TTC3: variants seen among roughly 807,000 people sequenced by gnomAD.
TTC3 encodes the protein tetratricopeptide repeat domain 3, also known as E3 ubiquitin-protein ligase TTC3.
A neutral mutation model predicts 249.6 loss-of-function variants in TTC3; 180 were observed. The ratio of observed to expected loss-of-function variants is 0.72; its 90% CI spans 0.64 to 0.82. The LOEUF is 0.82. Ranked by LOEUF, TTC3 falls within the 40% of genes least tolerant of loss-of-function variation. The pLI, the probability that TTC3 is intolerant of heterozygous loss-of-function variation, is 0.00. For missense variants in TTC3, 2,061 were observed against 2,398.4 expected, an observed-to-expected ratio of 0.86 and a Z score of 2.94; for synonymous variants, 717 against 805.0, an observed-to-expected ratio of 0.89 and a Z score of 1.85.
At chr21:37,199,123 T>C (rs530853961) in intron 44 of TTC3, among the ~76,000 whole-genome samples, 1 of 152,114 alleles carries the variant, frequency 6.6e-6, no homozygotes, top group Admixed American at 6.5e-5. Flanking sequence ...CTGGGCCGAG[T>C]CATGCCTTGG....
At chr21:37,095,248 C>G in intron 8 of TTC3, 102 bp from the exon 9 acceptor site, 1 of 703,008 alleles carries the variant, frequency 1.4e-6, no homozygotes, top group Non-Finnish European at 2.4e-6. Flanking sequence ...TATGTTATTT[C>G]TGATATCGAA....
chr21:37,115,174 T>TATTATA (rs1555875656), intron 11 of TTC3, among the ~76,000 whole-genome samples: 14 of 144,500 alleles, frequency 9.7e-5, no homozygotes, highest in African/African-American at 3.6e-4. Flanking sequence ...AAACTTAAAG[T>TATTATA]ATAATAATAA....
intron 11 of TTC3, among the ~76,000 whole-genome samples, chr21:37,115,388 G>T (rs2076056214): frequency 6.6e-6 from 1 of 152,008 alleles, no homozygotes; most frequent in Non-Finnish European, 1.5e-5. Flanking sequence ...GTCTGGTGTT[G>T]GTGGGTATGT....
At chr21:37,192,495 G>GTGTGTGTGTGTGTA (rs1459184008) in intron 41 of TTC3, among the ~76,000 whole-genome samples, 2 of 150,384 alleles carry the variant, frequency 1.3e-5, no homozygotes, top group African/African-American at 2.5e-5. Flanking sequence ...CTATCTTTGT[G>GTGTGTGTGTGTGTA]TGTGTGTGTG....
intron 15 of TTC3, among the ~76,000 whole-genome samples, chr21:37,127,161 CTCT>C (rs1884735853): frequency 6.6e-6 from 1 of 152,108 alleles, no homozygotes; most frequent in Non-Finnish European, 1.5e-5. Flanking sequence ...AGCCTGGGGT[CTCT>C]TCTTATAAGG....
At chr21:37,120,140 TG>T (rs2076467635) in intron 11 of TTC3, among the ~76,000 whole-genome samples, 2 of 152,266 alleles carry the variant, frequency 1.3e-5, no homozygotes, top group South Asian at 4.1e-4. Flanking sequence ...CTGTGAGAAG[TG>T]GGAACATGGT....
chr21:37,162,626 T>C (rs2080865162), intron 31 of TTC3, among the ~76,000 whole-genome samples: 1 of 149,702 alleles, frequency 6.7e-6, no homozygotes, highest in Admixed American at 6.7e-5. Context: ...GGTTTTTTTT[T>C]TCTCATTTCT....
chr21:37,152,512 C>T (rs2079574448), intron 26 of TTC3, among the ~76,000 whole-genome samples: 2 of 151,674 alleles, frequency 1.3e-5, no homozygotes, highest in African/African-American at 2.4e-5. Context: ...TCAGCCTCCC[C>T]AGTAGCTGGA....
chr21:37,142,057 C>G (rs1024228836), intron 20 of TTC3, among the ~76,000 whole-genome samples: 2 of 152,188 alleles, frequency 1.3e-5, no homozygotes, highest in African/African-American at 4.8e-5. Context: ...AACAGCCCTT[C>G]ATGCTAAAAC....
chr21:37,157,820 G>A (rs1275303550), intron 28 of TTC3, among the ~76,000 whole-genome samples: 1 of 152,062 alleles, frequency 6.6e-6, no homozygotes, highest in Admixed American at 6.6e-5. Context: ...GACATGTGTG[G>A]TCCTGTTTTA....
intron 15 of TTC3, among the ~76,000 whole-genome samples, chr21:37,128,338 CT>C (rs1191114164): frequency 6.6e-6 from 1 of 152,208 alleles, no homozygotes; most frequent in East Asian, 1.9e-4. Flanking sequence ...TAAATCTGGG[CT>C]CACAGAGCTG....
At chr21:37,159,926 A>G (rs988673395) in intron 29 of TTC3, among the ~76,000 whole-genome samples, 181 bp downstream of exon 29, 1 of 152,244 alleles carries the variant, frequency 6.6e-6, no homozygotes, top group Admixed American at 6.5e-5. Flanking sequence ...TCCTCTCGGA[A>G]TTGGAGCAAT....
In TTC3 at chr21:37,103,914, G is replaced by C. The variant is rs1426649641; in HGVS notation, c.846-4478G>C. On this transcript the variant is annotated intron_variant, in intron 10 of 45. Transcript: ENST00000355666. The stretch of plus-strand genomic sequence containing the variant: ...CCTTTAAGAGCAATAAGAAAGTAAA[G>C]GATTTTAAACTGAGGAGAGAGAGCA... Among the ~76,000 whole-genome samples, 9 of 152,168 alleles carry C rather than the reference G, an allele frequency of 5.9e-5. No homozygotes were observed. In the East Asian group the frequency reaches 1.7e-3, roughly 29 times the overall value.
intron 34 of TTC3, among the ~76,000 whole-genome samples, chr21:37,170,685 A>G (rs2081691075): frequency 6.6e-6 from 1 of 152,214 alleles, no homozygotes; most frequent in Admixed American, 6.5e-5. Flanking sequence ...ATGTCTAGTT[A>G]AGTAGGAAGA....
rs1463322204 is a variant in TTC3 at position 37,196,038 on chromosome 21, T to C, written c.5579+2T>C. ...AGTGGTATTCCCATGTTACAACAGG[T>C]ATGAACAGAAAATGTCTGTGACTGT... On this transcript the variant is annotated splice_donor_variant, in intron 42 of 45. Transcript: ENST00000355666. LOFTEE classifies it high-confidence loss of function. 1 of 1,613,684 alleles carries C rather than the reference T, an allele frequency of 6.2e-7. No individual in the cohort carries two copies. Among genetic ancestry groups the C allele is most frequent in the Non-Finnish European group, 8.5e-7 (1 of 1,179,802 alleles).
intron 11 of TTC3, among the ~76,000 whole-genome samples, chr21:37,112,056 G>C (rs2075717443): frequency 6.6e-6 from 1 of 152,004 alleles, no homozygotes; most frequent in African/African-American, 2.4e-5. Context: ...GCAGTGTGTA[G>C]AGGGAAATTT....
intron 28 of TTC3, chr21:37,158,194 G>A (rs1005457069): frequency 1.4e-5 from 14 of 985,272 alleles, no homozygotes; most frequent in Middle Eastern, 5.2e-4. Flanking sequence ...CCATCAGTTT[G>A]CTGCTGCTGG....
chr21:37,084,908 G>A (rs971841236), intron 1 of TTC3, among the ~76,000 whole-genome samples: 8 of 152,174 alleles, frequency 5.3e-5, no homozygotes, highest in Admixed American at 2.6e-4. Context: ...CAGGAGAATC[G>A]CTTGAACCCG....
At chr21:37,188,311 G>A (rs1368034957) in intron 38 of TTC3, 184 bp from the exon 39 acceptor site, 6 of 519,330 alleles carry the variant, frequency 1.2e-5, no homozygotes, top group Non-Finnish European at 1.7e-5. Context: ...ATGTCATTTT[G>A]TTCTGTTTTC....
Sources: gnomAD v4.1 joint callset for allele counts (sites outside exome capture counted in the v4.1 genomes callset) on GRCh38, gnomAD v4.1.1 for gene constraint, MANE v1.5 for transcripts, NCBI Gene and HGNC (gene_info 2026-07-23, HGNC 2026-07-21) for gene names.